The following FAM120C variants were observed in gnomAD, a reference collection of about 807,000 sequenced individuals.
The protein encoded by FAM120C is constitutive coactivator of PPAR-gamma-like protein 2.
Under a neutral mutation model 71.2 loss-of-function variants are expected in FAM120C, and 14 were observed. That is an observed-to-expected ratio of 0.20 (90% CI 0.13 to 0.31). The LOEUF (loss-of-function observed/expected upper bound fraction) is 0.31. Ranked by LOEUF, FAM120C falls within the 10% of genes least tolerant of loss-of-function variation. FAM120C has a pLI of 1.00. For synonymous variants in FAM120C, 354 were observed against 353.2 expected (o/e 1.00, Z -0.03); for missense variants, 500 against 879.0 (o/e 0.57, Z 5.45).
rs181324222 is a variant in FAM120C, at chrX:54,081,472, G to A, written c.2840-12C>T. 5 of 1,200,040 alleles carry A rather than the reference G, an allele frequency of 4.2e-6. No homozygotes were observed. The East Asian group carries it at 1.2e-4, about 29-fold the overall frequency. ...GATTGGATGGAGACCTGGCAAGATA[G>A]AAAGAATGGTGGTAATGGGCCAGGT... On this transcript the variant is annotated splice_polypyrimidine_tract_variant and intron_variant, in intron 13 of 15. Coordinates refer to ENST00000375180, the MANE Select transcript of FAM120C (RefSeq NM_017848.6).
chrX:54,086,583 A>G (rs1307956124), intron 12 of FAM120C, among the ~76,000 whole-genome samples: 1 of 109,058 alleles, frequency 9.2e-6, no homozygotes, highest in African/African-American at 3.3e-5. Context: ...ATGAAACCCC[A>G]TCTTTACTAA....
chrX:54,103,568 A>T (rs956012327), intron 10 of FAM120C, among the ~76,000 whole-genome samples: 1 of 111,989 alleles, frequency 8.9e-6, no homozygotes, highest in African/African-American at 3.2e-5. Context: ...ATAATTATTT[A>T]AAAAATGCAT....
At chrX:54,097,339 G>A (rs2066857101) in intron 10 of FAM120C, among the ~76,000 whole-genome samples, 1 of 111,829 alleles carries the variant, frequency 8.9e-6, no homozygotes, top group African/African-American at 3.3e-5. Context: ...TACCTTTACA[G>A]TAAGATAGCT....
At position 54,101,800 on chromosome X, in the gene FAM120C, T is replaced by G. The variant is rs1459789615; in HGVS notation, c.2313-10374A>C. 6.3e-5 allele frequency among the ~76,000 whole-genome samples: 7 copies of G among 111,699 alleles called. No homozygotes were observed. The East Asian group carries it at 2.0e-3, about 32-fold the overall frequency. On this transcript the variant is annotated intron_variant, in intron 10 of 15. Transcript: ENST00000375180. ...ATCTGAAACCTTATCGGAATGGCCT[T>G]CGCTGTCCATATTTATATCAGCATT...
intron 9 of FAM120C, among the ~76,000 whole-genome samples, chrX:54,127,448 G>A (rs1297961286): frequency 3.7e-5 from 4 of 107,338 alleles, no homozygotes; most frequent in African/African-American, 1.0e-4. Flanking sequence ...AAAATTAGCC[G>A]GGCCTGGTGG....
chrX:54,174,519 G>C (rs1232338668), intron 1 of FAM120C, among the ~76,000 whole-genome samples: 1 of 112,177 alleles, frequency 8.9e-6, no homozygotes, highest in Middle Eastern at 4.2e-3. Flanking sequence ...TGATATTTCA[G>C]GAGTGGTTGG....
At chrX:54,102,013 C>T (rs1176221758) in intron 10 of FAM120C, among the ~76,000 whole-genome samples, 3 of 110,467 alleles carry the variant, frequency 2.7e-5, no homozygotes, top group African/African-American at 6.6e-5. Context: ...AACAGCCACA[C>T]TTCTCAGTAA....
Position 54,116,727 on chromosome X carries a change from C to T in FAM120C, c.2130G>A (p.Val710=), listed in dbSNP as rs2066969855. 16 of 1,209,764 alleles carry T rather than the reference C, an allele frequency of 1.3e-5. No homozygotes were observed. The highest frequency in any genetic ancestry group is 1.7e-5 in the Non-Finnish European group (15 of 895,227). The change falls in exon 10 of 16, where the codon GTG becomes GTA. Residue 710 remains valine, a synonymous_variant. Coordinates refer to ENST00000375180, the MANE Select transcript of FAM120C (RefSeq NM_017848.6). Reference sequence around the variant, plus strand: ...TCCATTCCCGAAATGTCAGTGCAGACACCAGCTCAGGGGTTTGAGGTGACT... The same window carrying T: ...TCCATTCCCGAAATGTCAGTGCAGATACCAGCTCAGGGGTTTGAGGTGACT... The part of the protein sequence containing the change: ...KGKSPQTPEL[V]SALTFREWTC...
At chrX:54,106,995 T>C (rs2066910132) in intron 10 of FAM120C, among the ~76,000 whole-genome samples, 1 of 112,118 alleles carries the variant, frequency 8.9e-6, no homozygotes, top group African/African-American at 3.2e-5. Context: ...AGTGTGGTGA[T>C]TCATAAGCTA....
chrX:54,127,584 CAA>C (rs782016062), intron 9 of FAM120C, among the ~76,000 whole-genome samples: 1 of 25,191 alleles, frequency 4.0e-5, no homozygotes, highest in Non-Finnish European at 7.5e-5. Flanking sequence ...GACTCCATCT[CAA>C]AAAAAAAAAA....
At chrX:54,078,862 T>C (rs1215425964) in intron 15 of FAM120C, among the ~76,000 whole-genome samples, 2 of 109,839 alleles carry the variant, frequency 1.8e-5, no homozygotes, top group African/African-American at 6.6e-5. Context: ...ATCCAAGGCA[T>C]GGATTAGAAG....
chrX:54,073,420 C>A, intron 15 of FAM120C, 133 bp from the exon 16 acceptor site: 3 of 545,768 alleles, frequency 5.5e-6, no homozygotes, highest in Non-Finnish European at 8.2e-6. Context: ...AGCTGGTTGA[C>A]AACTAGTACA....
rs376406294 is a variant in FAM120C at position 54,116,897 on chromosome X, A to G, written c.2063-103T>C. The G allele has an allele frequency of 3.9e-4, 377 of 963,312 alleles. 1 individual carries two copies. The African/African-American group carries it at 6.5e-3, about 17-fold the overall frequency. The allele number at this position is 963,312 out of a possible 1,213,427, so 79.4% of individuals were successfully genotyped here. A position where few individuals can be genotyped will look rare whatever the true frequency, so the allele number is the denominator to read the frequency against. ...AGGCTCCATTGCATTTCAACTCTTA[A>G]TTTTCTGTCACAATAATTTTTATTT... is the stretch of plus-strand genomic sequence containing the variant. On this transcript the variant is annotated intron_variant, in intron 9 of 15. Coordinates refer to ENST00000375180, the MANE Select transcript of FAM120C (RefSeq NM_017848.6).
intron 4 of FAM120C, among the ~76,000 whole-genome samples, chrX:54,146,146 G>A (rs191396232): frequency 0.011 from 1,182 of 108,410 alleles, 9 homozygotes; most frequent in Non-Finnish European, 0.016. Flanking sequence ...ATCACACACC[G>A]GGGCCTCTCG....
chrX:54,133,283 G>A (rs1452328431), intron 8 of FAM120C, among the ~76,000 whole-genome samples: 1 of 111,647 alleles, frequency 9.0e-6, no homozygotes, highest in Non-Finnish European at 1.9e-5. Context: ...GAAGAGTACA[G>A]CACTCCAGCT....
chrX:54,177,135 G>T (rs1182626370), intron 1 of FAM120C, among the ~76,000 whole-genome samples: 4 of 111,599 alleles, frequency 3.6e-5, no homozygotes, highest in African/African-American at 1.3e-4. Context: ...GTGAGCACCA[G>T]GTAAGTCTGG....
At chrX:54,148,551 G>C (rs1176683653) in intron 4 of FAM120C, among the ~76,000 whole-genome samples, 1 of 111,831 alleles carries the variant, frequency 8.9e-6, no homozygotes, top group Non-Finnish European at 1.9e-5. Context: ...GGAGGCTGTG[G>C]TGGAAAGACT....
At chrX:54,137,420 G>A (rs1352407962) in intron 4 of FAM120C, among the ~76,000 whole-genome samples, 2 of 111,518 alleles carry the variant, frequency 1.8e-5, no homozygotes, top group African/African-American at 3.3e-5. Flanking sequence ...TTTAATATAT[G>A]TATTTTTCTA....
Position 54,136,522 on chromosome X carries a change from G to C in FAM120C, c.1227C>G (p.Leu409=). The change falls in exon 5 of 16, where the codon CTC becomes CTG. Residue 409 remains leucine (L), a synonymous_variant. Coordinates refer to ENST00000375180, the MANE Select transcript of FAM120C (RefSeq NM_017848.6). ...AVEYYSVTTK[L]SSLPVGPSFL... ...AGGAGGGACCCACTGGCAGCGAAGA[G>C]AGTTTGGTTGTGACTGAATAATACT... The C allele has an allele frequency of 8.3e-7, 1 of 1,210,409 alleles. No homozygotes were observed. The highest frequency in any genetic ancestry group is 1.1e-6 in the Non-Finnish European group (1 of 894,291).
Sources: gnomAD v4.1 joint callset for allele counts (sites outside exome capture counted in the v4.1 genomes callset) on GRCh38, gnomAD v4.1.1 for gene constraint, MANE v1.5 for transcripts, NCBI Gene and HGNC (gene_info 2026-07-23, HGNC 2026-07-21) for gene names.